Variants in SLC9A9 observed in about 807,000 individuals in gnomAD.
SLC9A9 encodes sodium/hydrogen exchanger 9.
Under a neutral mutation model 77.8 loss-of-function variants are expected in SLC9A9, and 62 were observed. The observed-to-expected ratio is 0.80, with a 90% CI of 0.65 to 0.98. SLC9A9 has a LOEUF of 0.98. Ranked by LOEUF, SLC9A9 falls within the 50% of genes least tolerant of loss-of-function variation. The pLI, the probability that SLC9A9 is intolerant of heterozygous loss-of-function variation, is 0.00. For synonymous variants in SLC9A9, 320 were observed against 283.5 expected, an observed-to-expected ratio of 1.13 and a Z score of -1.29; for missense variants, 775 against 774.9, an observed-to-expected ratio of 1.00 and a Z score of 0.00.
intron 9 of SLC9A9, among the ~76,000 whole-genome samples, chr3:143,551,083 T>C (rs2036874262): frequency 6.6e-6 from 1 of 152,144 alleles, no homozygotes; most frequent in Admixed American, 6.5e-5. Context: ...AGAGGAAATT[T>C]GGTGGTAGAC....
intron 14 of SLC9A9, among the ~76,000 whole-genome samples, chr3:143,358,518 G>A (rs1448688159): frequency 6.6e-6 from 1 of 152,168 alleles, no homozygotes; most frequent in African/African-American, 2.4e-5. Flanking sequence ...CTTATCCTGT[G>A]TCATTCACAT....
intron 14 of SLC9A9, among the ~76,000 whole-genome samples, chr3:143,345,989 A>G (rs2032260800): frequency 1.3e-5 from 2 of 152,166 alleles, no homozygotes; most frequent in Non-Finnish European, 2.9e-5. Flanking sequence ...AGGAAAATAA[A>G]TGTCCTCTTT....
intron 14 of SLC9A9, among the ~76,000 whole-genome samples, chr3:143,282,905 A>G (rs1938267462): frequency 6.6e-6 from 1 of 152,240 alleles, no homozygotes; most frequent in African/African-American, 2.4e-5. Context: ...CCAGGACCCA[A>G]TTCAAATAGT....
chr3:143,575,781 T>C (rs142441806), intron 7 of SLC9A9, among the ~76,000 whole-genome samples: 15 of 152,292 alleles, frequency 9.8e-5, no homozygotes, highest in South Asian at 6.2e-4. Context: ...AGAAACTAGT[T>C]CAGCTCTGGG....
chr3:143,459,110 C>T (rs1177081847), intron 12 of SLC9A9, among the ~76,000 whole-genome samples: 1 of 133,542 alleles, frequency 7.5e-6, no homozygotes. Flanking sequence ...TCTTCTATTT[C>T]TCTACAGTTT....
chr3:143,298,639 C>T (rs2030383239), intron 14 of SLC9A9, among the ~76,000 whole-genome samples: 1 of 152,198 alleles, frequency 6.6e-6, no homozygotes, highest in Non-Finnish European at 1.5e-5. Context: ...AACTATTTCA[C>T]TTTTCATGGC....
chr3:143,624,248 C>A (rs1421415273), intron 6 of SLC9A9, among the ~76,000 whole-genome samples: 1 of 152,120 alleles, frequency 6.6e-6, no homozygotes, highest in Non-Finnish European at 1.5e-5. Flanking sequence ...AGAGGGAATC[C>A]TCCCTAACTC....
At position 143,795,055 on chromosome 3, in the gene SLC9A9, C is replaced by A. The variant is rs780583095; in HGVS notation, c.479G>T (p.Gly160Val). The A allele has an allele frequency of 1.9e-5, 31 of 1,613,318 alleles. No individual in the cohort carries two copies. The highest frequency in any genetic ancestry group is 2.5e-5 in the Non-Finnish European group (30 of 1,179,798). ...CAAGAAGGCATACGTTAAAATAGAT[C>A]CTAAGTTTTGAAAAAAGTGTCTCTG... is the stretch of plus-strand genomic sequence containing the variant. Reference protein sequence around the residue: ...LKKRHFFQNLGSILTYAFLGT... With the variant: ...LKKRHFFQNLVSILTYAFLGT... Residue 160 changes from glycine (G) to valine (V), a missense_variant, in exon 4 of 16, where the codon GGA becomes GTA. Gly to Val is a moderately radical substitution (Grantham distance 109). Coordinates refer to ENST00000316549, the MANE Select transcript of SLC9A9 (RefSeq NM_173653.4).
chr3:143,276,096 C>T (rs1391105120), intron 14 of SLC9A9, among the ~76,000 whole-genome samples: 1 of 152,134 alleles, frequency 6.6e-6, no homozygotes, highest in Non-Finnish European at 1.5e-5. Context: ...CAGGCAGTTT[C>T]TCCTCAGTAT....
intron 4 of SLC9A9, among the ~76,000 whole-genome samples, chr3:143,703,613 G>GA (rs1309671649): frequency 3.3e-5 from 5 of 151,340 alleles, no homozygotes; most frequent in African/African-American, 7.3e-5. Context: ...TATCAAGGAA[G>GA]AAAAAAAACT....
chr3:143,446,701 G>A (rs2034849623), intron 12 of SLC9A9, among the ~76,000 whole-genome samples: 1 of 152,190 alleles, frequency 6.6e-6, no homozygotes, highest in South Asian at 2.1e-4. Flanking sequence ...GGAATGCGGT[G>A]GGAGTACAAA....
At chr3:143,353,718 C>T (rs1186479810) in intron 14 of SLC9A9, among the ~76,000 whole-genome samples, 1 of 152,144 alleles carries the variant, frequency 6.6e-6, no homozygotes, top group Non-Finnish European at 1.5e-5. Flanking sequence ...GGGCAATCAC[C>T]ATTTCTTTCT....
chr3:143,408,206 T>TG (rs1427672704), intron 12 of SLC9A9, among the ~76,000 whole-genome samples: 5 of 152,192 alleles, frequency 3.3e-5, no homozygotes, highest in African/African-American at 1.2e-4. Context: ...AGAATCTGGC[T>TG]GGGGGATGTG....
chr3:143,810,838 C>T (rs1428058509), intron 2 of SLC9A9, among the ~76,000 whole-genome samples: 2 of 152,152 alleles, frequency 1.3e-5, no homozygotes, highest in African/African-American at 4.8e-5. Context: ...GAGAGACTGA[C>T]TCCATGAAGG....
At chr3:143,511,867 C>G (rs7626484) in intron 9 of SLC9A9, among the ~76,000 whole-genome samples, 5,584 of 152,204 alleles carry the variant, frequency 0.037, 107 homozygotes, top group African/African-American at 0.049. Context: ...TATATTTGGT[C>G]TAGAAAATAA....
At chr3:143,676,789 G>A (rs1204815975) in intron 5 of SLC9A9, among the ~76,000 whole-genome samples, 1 of 151,984 alleles carries the variant, frequency 6.6e-6, no homozygotes, top group African/African-American at 2.4e-5. Flanking sequence ...CCCAGCACGT[G>A]TCTGAAAACC....
chr3:143,300,405 A>T (rs532690026), intron 14 of SLC9A9, among the ~76,000 whole-genome samples: 1 of 152,388 alleles, frequency 6.6e-6, no homozygotes, highest in African/African-American at 2.4e-5. Flanking sequence ...TGGAAGAAGC[A>T]GATAAACCTC....
At chr3:143,514,247 C>T (rs919728375) in intron 9 of SLC9A9, among the ~76,000 whole-genome samples, 3 of 150,760 alleles carry the variant, frequency 2.0e-5, no homozygotes, top group African/African-American at 4.9e-5. Flanking sequence ...ATCTCAATGG[C>T]GGTTTCTTCA....
chr3:143,775,589 C>T (rs192039338), intron 4 of SLC9A9, among the ~76,000 whole-genome samples: 297 of 152,328 alleles, frequency 1.9e-3, no homozygotes, highest in African/African-American at 6.9e-3. Flanking sequence ...CCAATGGCTG[C>T]TGAGCTGCAG....
Sources: gnomAD v4.1 joint callset for allele counts (sites outside exome capture counted in the v4.1 genomes callset) on GRCh38, gnomAD v4.1.1 for gene constraint, MANE v1.5 for transcripts, NCBI Gene and HGNC (gene_info 2026-07-23, HGNC 2026-07-21) for gene names.